XPO6: variants seen among roughly 807,000 people sequenced by gnomAD.
XPO6 encodes the protein exportin-6.
XPO6 carries 3 observed loss-of-function variants against 130.0 expected under a neutral mutation model. That is an observed-to-expected ratio of 0.02 (90% CI 0.01 to 0.06). The LOEUF (loss-of-function observed/expected upper bound fraction) is 0.06. Ranked by LOEUF, XPO6 falls within the 10% of genes least tolerant of loss-of-function variation. The pLI, the probability that XPO6 is intolerant of heterozygous loss-of-function variation, is 1.00. For missense variants in XPO6, 970 were observed against 1,393.0 expected (o/e 0.70, Z 4.83); for synonymous variants, 524 against 548.9 (o/e 0.95, Z 0.63).
Position 28,146,878 on chromosome 16 carries a change from G to T in XPO6, c.1225-675C>A, listed in dbSNP as rs1279821085. On this transcript the variant is annotated intron_variant, in intron 8 of 23. Coordinates refer to ENST00000304658, the MANE Select transcript of XPO6 (RefSeq NM_015171.4). ...TGTAGGATCCTAGTAGTACAATGAA[G>T]ACCACTGCACTAGTTAACTTTCTCA... Among the ~76,000 whole-genome samples the T allele has an allele frequency of 4.6e-5, 7 of 152,170 alleles. No homozygotes were observed. In the South Asian group the frequency reaches 1.2e-3, roughly 27 times the overall value.
chr16:28,115,081 T>G (rs9932286), intron 15 of XPO6, among the ~76,000 whole-genome samples: 4,308 of 152,322 alleles, frequency 0.028, 158 homozygotes, highest in African/African-American at 0.09. Context: ...ACTGAAGTCC[T>G]GAACCCCTTA....
chr16:28,136,015 T>C (rs916918014), intron 9 of XPO6, among the ~76,000 whole-genome samples: 2 of 152,204 alleles, frequency 1.3e-5, no homozygotes, highest in South Asian at 2.1e-4. Flanking sequence ...GCACTGCATA[T>C]AAATATTACC....
intron 14 of XPO6, 115 bp from the exon 15 acceptor site, chr16:28,117,577 T>C (rs2141258174): frequency 2.4e-6 from 3 of 1,229,582 alleles, no homozygotes; most frequent in South Asian, 2.9e-5. Flanking sequence ...TTCTAAGACA[T>C]GGGCAACAGC....
chr16:28,149,692 G>C (rs779245336), intron 8 of XPO6, among the ~76,000 whole-genome samples: 2 of 152,114 alleles, frequency 1.3e-5, no homozygotes, highest in Non-Finnish European at 2.9e-5. Context: ...CTCCCATCTA[G>C]GCTTGCGTAA....
chr16:28,121,658 C>G lies in XPO6; in HGVS notation c.1859+12G>C, dbSNP rs764152930. ...TTCCTAAAAATGCACAAACATCAAA[C>G]TCTAGACTTACACATCAATGAGGTC... is the stretch of plus-strand genomic sequence containing the variant. On this transcript the variant is annotated intron_variant, in intron 14 of 23. Transcript: ENST00000304658. 21 of 1,590,916 alleles carry G rather than the reference C, an allele frequency of 1.3e-5. No homozygotes were observed. Among genetic ancestry groups the G allele is most frequent in the Non-Finnish European group, 1.6e-5 (19 of 1,159,040 alleles).
At chr16:28,160,838 T>G (rs975298205) in intron 6 of XPO6, among the ~76,000 whole-genome samples, 12 of 152,218 alleles carry the variant, frequency 7.9e-5, no homozygotes, top group Non-Finnish European at 1.8e-4. Context: ...AATATTTAAT[T>G]CATTTAATTA....
At chr16:28,199,607 C>A (rs756085531) in intron 1 of XPO6, among the ~76,000 whole-genome samples, 1 of 149,770 alleles carries the variant, frequency 6.7e-6, no homozygotes, top group African/African-American at 2.5e-5. Flanking sequence ...TGCTCTGTCA[C>A]CCAGGATAAA....
intron 1 of XPO6, among the ~76,000 whole-genome samples, chr16:28,190,455 T>G (rs997320080): frequency 1.4e-4 from 21 of 152,238 alleles, no homozygotes; most frequent in Non-Finnish European, 2.4e-4. Context: ...ACTCTTGACC[T>G]CAAGCGATAC....
At chr16:28,124,365 C>G (rs2239988) in intron 13 of XPO6, among the ~76,000 whole-genome samples, 9,625 of 152,274 alleles carry the variant, frequency 0.063, 521 homozygotes, top group East Asian at 0.31. Flanking sequence ...GCCAACTGAA[C>G]AGATAAGATA....
intron 18 of XPO6, 91 bp downstream of exon 18, chr16:28,107,431 T>G (rs1275209841): frequency 6.8e-7 from 1 of 1,461,676 alleles, no homozygotes; most frequent in African/African-American, 1.4e-5. Context: ...AGGCCTGTAC[T>G]GCACCGACTC....
chr16:28,203,002 G>A (rs149897058), intron 1 of XPO6, among the ~76,000 whole-genome samples: 29 of 152,352 alleles, frequency 1.9e-4, no homozygotes, highest in East Asian at 5.8e-4. Context: ...CTGGCTGGGC[G>A]TGGTGGCTTA....
intron 1 of XPO6, among the ~76,000 whole-genome samples, chr16:28,187,301 CAGT>C (rs2043710733): frequency 6.6e-6 from 1 of 152,188 alleles, no homozygotes; most frequent in South Asian, 2.1e-4. Flanking sequence ...ACACAGATTA[CAGT>C]ACAGATCAGG....
At position 28,156,302 on chromosome 16, in the gene XPO6, G is replaced by A. The variant is rs201118038; in HGVS notation, c.869C>T (p.Ala290Val). The change falls in exon 7 of 24, where the codon GCG (alanine) becomes GTG (valine). Residue 290 changes from alanine (A) to valine (V), a missense_variant. Ala to Val is a moderately conservative substitution (Grantham distance 64). Coordinates refer to ENST00000304658, the MANE Select transcript of XPO6 (RefSeq NM_015171.4). ...GTTCTGGCTGCTGCCGTTAACTGAC[G>A]CCATCTTTCTGGCCCGGATGTCACA... is the stretch of plus-strand genomic sequence containing the variant. ...FGCDIRARKM[A>V]SVNGSSQNCV... 7.1e-5 allele frequency: 115 copies of A among 1,614,092 alleles called. 1 individual carries two copies. Among genetic ancestry groups the A allele is most frequent in the South Asian group, 4.8e-4 (44 of 91,068 alleles).
At chr16:28,109,936 T>A (rs972199604) in intron 17 of XPO6, among the ~76,000 whole-genome samples, 17 of 152,212 alleles carry the variant, frequency 1.1e-4, no homozygotes, top group African/African-American at 4.1e-4. Context: ...AGAAAAAGTG[T>A]GTTGCAGAAA....
chr16:28,124,594 T>A (rs2087345035), intron 13 of XPO6, among the ~76,000 whole-genome samples: 1 of 152,176 alleles, frequency 6.6e-6, no homozygotes, highest in African/African-American at 2.4e-5. Flanking sequence ...AAAGACTGTG[T>A]GAACCGAGGC....
At chr16:28,126,370 C>T (rs967748097) in intron 12 of XPO6, among the ~76,000 whole-genome samples, 10 of 152,180 alleles carry the variant, frequency 6.6e-5, no homozygotes, top group African/African-American at 2.4e-4. Context: ...ACACTCAGCA[C>T]TCCACCCCTG....
In XPO6 at chr16:28,169,776, A is replaced by C. The variant is rs1446832486; in HGVS notation, c.539T>G (p.Val180Gly). ...TGTCAGTAGCCCAAGCACTGTCTGC[A>C]CCTGGTCCAGTAGCAGCTTCCGCAA... ...EELRKLLLDQ[V>G]QTVLGLLTGI... The change falls in exon 5 of 24, where the codon GTG (valine) becomes GGG (glycine). Residue 180 changes from valine (V) to glycine (G), a missense_variant. By Grantham distance (109) the Val-to-Gly change is moderately radical. Coordinates refer to ENST00000304658, the MANE Select transcript of XPO6 (RefSeq NM_015171.4). 6.2e-7 allele frequency: 1 copy of C among 1,613,992 alleles called. No individual in the cohort carries two copies. The highest frequency in any genetic ancestry group is 1.1e-5 in the South Asian group (1 of 91,072).
intron 1 of XPO6, among the ~76,000 whole-genome samples, chr16:28,210,106 G>GA (rs1279968118): frequency 1.3e-5 from 2 of 152,174 alleles, no homozygotes; most frequent in Admixed American, 6.5e-5. Flanking sequence ...TCCAGCCTAG[G>GA]AAACAAAGCA....
chr16:28,123,997 A>G (rs895998410), intron 13 of XPO6, among the ~76,000 whole-genome samples: 1 of 152,202 alleles, frequency 6.6e-6, no homozygotes, highest in South Asian at 2.1e-4. Context: ...GGACCTATCA[A>G]ATGATTCAGG....
Sources: allele counts gnomAD v4.1 joint callset (sites outside exome capture counted in the v4.1 genomes callset), GRCh38; gene constraint gnomAD v4.1.1; transcripts MANE v1.5; gene names NCBI Gene and HGNC (gene_info 2026-07-23, HGNC 2026-07-21).